Variants in TINAG observed in about 807,000 individuals in gnomAD.
TINAG encodes tubulointerstitial nephritis antigen.
A neutral mutation model predicts 72.7 loss-of-function variants in TINAG; 83 were observed. The ratio of observed to expected loss-of-function variants is 1.14; its 90% CI spans 0.96 to 1.37. The LOEUF (loss-of-function observed/expected upper bound fraction) is 1.37. Ranked by LOEUF, TINAG falls within the 40% of genes most tolerant of loss-of-function variation. The pLI is 0.00. For missense variants in TINAG, 685 were observed against 576.6 expected (o/e 1.19, Z -1.93); for synonymous variants, 234 against 189.9 (o/e 1.23, Z -1.91).
chr6:54,316,058 T>A (rs752859360), intron 1 of TINAG, among the ~76,000 whole-genome samples: 4 of 152,198 alleles, frequency 2.6e-5, no homozygotes, highest in Non-Finnish European at 5.9e-5. Flanking sequence ...CTCCAGTTCC[T>A]GTCCTTTTAC....
intron 9 of TINAG, among the ~76,000 whole-genome samples, chr6:54,355,752 T>C (rs1021751884): frequency 1.3e-5 from 2 of 151,340 alleles, no homozygotes; most frequent in African/African-American, 4.9e-5. Flanking sequence ...TGTGTATTTA[T>C]AAATGTTTTC....
chr6:54,320,642 G>C lies in TINAG; in HGVS notation c.419G>C (p.Cys140Ser), dbSNP rs1470458036. ...GSVIKENCNS[C>S]TCSGQQWKCS... The stretch of plus-strand genomic sequence containing the variant: ...GTAATTAAAGAAAACTGCAACTCCT[G>C]GTAATAAATTTAAGTGGCACAGAAC... Residue 140 changes from cysteine to serine, a missense_variant and splice_region_variant, in exon 2 of 11, where the codon TGC becomes TCC. Physicochemically the swap from Cys to Ser is moderately radical, Grantham distance 112 (BLOSUM62 -1). Coordinates refer to ENST00000259782, the MANE Select transcript of TINAG (RefSeq NM_014464.4). The C allele has an allele frequency of 1.9e-6, 3 of 1,605,762 alleles. No individual in the cohort carries two copies. Among genetic ancestry groups the C allele is most frequent in the African/African-American group, 2.7e-5 (2 of 74,704 alleles).
intron 5 of TINAG, among the ~76,000 whole-genome samples, chr6:54,344,444 A>C (rs1270270194): frequency 2.6e-5 from 4 of 152,126 alleles, no homozygotes; most frequent in Non-Finnish European, 5.9e-5. Context: ...TCTGAGCTAA[A>C]ATTTGTTTGT....
At position 54,328,866 on chromosome 6, in the gene TINAG, G is replaced by A. The variant is rs112248036; in HGVS notation, c.624+1950G>A. Among the ~76,000 whole-genome samples, 15 of 151,738 alleles carry A rather than the reference G, an allele frequency of 9.9e-5. 2 individuals carry two copies. The highest frequency in any genetic ancestry group is 3.6e-4 in the African/African-American group (15 of 41,400). On this transcript the variant is annotated intron_variant, in intron 4 of 10. Transcript: ENST00000259782. ...AGCTGATTCAATCAAGCAGAAGAAA[G>A]GATATGAGAGATTGAAGATCAACTT...
intron 10 of TINAG, among the ~76,000 whole-genome samples, chr6:54,388,863 C>T (rs1197470032): frequency 6.6e-6 from 1 of 151,932 alleles, no homozygotes; most frequent in Non-Finnish European, 1.5e-5. Context: ...CTGAAGATTT[C>T]TCAAATACTT....
In TINAG at chr6:54,379,377, G is replaced by A. The variant is rs76004269; in HGVS notation, c.1251-1149G>A. Among the ~76,000 whole-genome samples the A allele has an allele frequency of 7.2e-5, 11 of 152,186 alleles. No homozygotes were observed. In the East Asian group the frequency reaches 7.7e-4, roughly 11 times the overall value. ...AAAACAGGTTAATAATACCTACCTCGCTGGATTTAATCATGAAGAAAAATG... is the reference window on the plus strand; with the variant it reads ...AAAACAGGTTAATAATACCTACCTCACTGGATTTAATCATGAAGAAAAATG... On this transcript the variant is annotated intron_variant, in intron 9 of 10. Transcript: ENST00000259782.
intron 4 of TINAG, among the ~76,000 whole-genome samples, chr6:54,328,769 A>T (rs899858375): frequency 6.6e-6 from 1 of 152,004 alleles, no homozygotes; most frequent in African/African-American, 2.4e-5. Context: ...AGTTGAGAGA[A>T]GAACATAAAT....
intron 3 of TINAG, among the ~76,000 whole-genome samples, 161 bp downstream of exon 3, chr6:54,321,547 A>T (rs1437514450): frequency 2.0e-5 from 3 of 152,244 alleles, no homozygotes; most frequent in Non-Finnish European, 4.4e-5. Context: ...TGCAAAGGTA[A>T]ACATTAAATA....
chr6:54,353,258 C>A (rs1785307517), intron 8 of TINAG, among the ~76,000 whole-genome samples: 1 of 151,712 alleles, frequency 6.6e-6, no homozygotes, highest in South Asian at 2.1e-4. Flanking sequence ...CATAAGACCT[C>A]AAAGAGTCAA....
In TINAG at chr6:54,308,698, G is replaced by T. The variant is rs756490801; in HGVS notation, c.148G>T (p.Ala50Ser). The T allele has an allele frequency of 1.9e-6, 3 of 1,613,770 alleles. No individual in the cohort carries two copies. Among genetic ancestry groups the T allele is most frequent in the African/African-American group, 1.3e-5 (1 of 74,898 alleles). ...TTTGCAAGGTACTCGATTCAAAAGAGCCATTTTCCAAGGGCAATACTGTAG... is the reference window on the plus strand; with the variant it reads ...TTTGCAAGGTACTCGATTCAAAAGATCCATTTTCCAAGGGCAATACTGTAG... ...TVLQGTRFKR[A>S]IFQGQYCRNF... Residue 50 changes from alanine (A) to serine (S), a missense_variant, in exon 1 of 11, where the codon GCC becomes TCC. Transcript: ENST00000259782.
Position 54,349,801 on chromosome 6 carries a change from C to A in TINAG, c.985C>A (p.Arg329=). The change falls in exon 7 of 11, where the codon CGA becomes AGA. Residue 329 remains arginine, a synonymous_variant. Coordinates refer to ENST00000259782, the MANE Select transcript of TINAG (RefSeq NM_014464.4). ...GCAMASRSDG[R]GKRHATKPCP... is the part of the protein sequence containing the mutation. ...TGCCATGGCAAGCAGGTCTGATGGGCGAGGAAAACGGCATGCCACGAAGCC... is the reference window on the plus strand; with the variant it reads ...TGCCATGGCAAGCAGGTCTGATGGGAGAGGAAAACGGCATGCCACGAAGCC... 1 of 1,608,442 alleles carries A rather than the reference C, an allele frequency of 6.2e-7. No homozygotes were observed. The highest frequency in any genetic ancestry group is 8.5e-7 in the Non-Finnish European group (1 of 1,176,624).
chr6:54,333,839 T>G (rs1466821656), intron 4 of TINAG, among the ~76,000 whole-genome samples: 1 of 152,136 alleles, frequency 6.6e-6, no homozygotes, highest in Non-Finnish European at 1.5e-5. Flanking sequence ...TAGAATAAAA[T>G]AAATGTTAGT....
chr6:54,380,642 C>T, intron 10 of TINAG, 71 bp downstream of exon 10: 1 of 1,280,252 alleles, frequency 7.8e-7, no homozygotes, highest in South Asian at 1.2e-5. Context: ...CCTCTGCTAC[C>T]TGCTTTGTAT....
chr6:54,350,461 C>T (rs1785239051), intron 7 of TINAG, among the ~76,000 whole-genome samples: 1 of 151,684 alleles, frequency 6.6e-6, no homozygotes, highest in South Asian at 2.1e-4. Context: ...AGCACATTGG[C>T]CTTTCATGAG....
rs1211123942 is a variant in TINAG, at chr6:54,378,714, C to A, written c.1251-1812C>A. Among the ~76,000 whole-genome samples the A allele has an allele frequency of 3.3e-5, 5 of 152,088 alleles. No homozygotes were observed. In the East Asian group the frequency reaches 9.7e-4, roughly 29 times the overall value. On this transcript the variant is annotated intron_variant, in intron 9 of 10. Transcript: ENST00000259782. ...CACCACATTCTGAAGTGCCTCTTCT[C>A]CTTTGTATGACTTTTCTATTTCTTC... is the stretch of plus-strand genomic sequence containing the variant.
chr6:54,367,349 A>G (rs1440522615), intron 9 of TINAG, among the ~76,000 whole-genome samples: 1 of 151,828 alleles, frequency 6.6e-6, no homozygotes, highest in African/African-American at 2.4e-5. Flanking sequence ...TAACATTTAA[A>G]AAGTAAAAGG....
At chr6:54,344,686 A>G (rs1240153845) in intron 5 of TINAG, among the ~76,000 whole-genome samples, 3 of 152,136 alleles carry the variant, frequency 2.0e-5, no homozygotes, top group Admixed American at 2.0e-4. Flanking sequence ...GGTGGAGGAT[A>G]TATTTTGGTG....
At position 54,318,366 on chromosome 6, in the gene TINAG, G is replaced by A. The variant is rs573064802; in HGVS notation, c.356-2213G>A. On this transcript the variant is annotated intron_variant, in intron 1 of 10. Transcript: ENST00000259782. ...CCTGTTTCTTATTTTAGTGATAGCT[G>A]TACCATTTCTTTATTACTCAAGCCA... is the stretch of plus-strand genomic sequence containing the variant. Among the ~76,000 whole-genome samples, 74 of 152,224 alleles carry A rather than the reference G, an allele frequency of 4.9e-4. 1 individual carries two copies. Among genetic ancestry groups the A allele is most frequent in the African/African-American group, 8.2e-4 (34 of 41,554 alleles).
At position 54,347,568 on chromosome 6, in the gene TINAG, G is replaced by T. The variant is rs753812845; in HGVS notation, c.899+51G>T. On this transcript the variant is annotated intron_variant, in intron 6 of 10. Transcript: ENST00000259782. ...CTAGGATTTTTATGAATGATGCATT[G>T]TGTTAGAACAAGGAAAATAATCCCA... 4.5e-6 allele frequency: 7 copies of T among 1,569,372 alleles called. No homozygotes were observed. The Admixed American group carries it at 5.6e-5, about 13-fold the overall frequency.
Sources: allele counts gnomAD v4.1 joint callset (sites outside exome capture counted in the v4.1 genomes callset), GRCh38; gene constraint gnomAD v4.1.1; transcripts MANE v1.5; gene names NCBI Gene and HGNC (gene_info 2026-07-23, HGNC 2026-07-21).